C5orf24: variants seen among roughly 807,000 people sequenced by gnomAD.
C5orf24 encodes the protein chromosome 5 open reading frame 24.
C5orf24 carries 4 observed loss-of-function variants against 9.8 expected under a neutral mutation model. The ratio of observed to expected loss-of-function variants is 0.41; its 90% confidence interval spans 0.20 to 0.93. C5orf24 has a LOEUF of 0.93. Among genes scored for constraint, C5orf24 ranks in the 40% least tolerant of loss-of-function variants. The pLI, the probability that C5orf24 is intolerant of heterozygous loss-of-function variation, is 0.33. For synonymous variants in C5orf24, 73 were observed against 81.3 expected, an observed-to-expected ratio of 0.90 and a Z score of 0.55; for missense variants, 170 against 236.9, an observed-to-expected ratio of 0.72 and a Z score of 1.85.
At chr5:134,837,072 C>G in the C5orf24 span, among the ~76,000 whole-genome samples, 1 of 152,036 alleles carries the variant, frequency 6.6e-6, no homozygotes, top group Non-Finnish European at 1.5e-5. Flanking sequence ...CTCCCAGGTT[C>G]AAGTGATTTA....
chr5:134,847,304 TG>T (rs751866480), intron 1 of C5orf24, among the ~76,000 whole-genome samples: 4 of 152,206 alleles, frequency 2.6e-5, no homozygotes, highest in Admixed American at 6.5e-5. Context: ...TTGTTTGTTT[TG>T]TTTTTTTTGA....
upstream of C5orf24, chr5:134,845,852 T>A (rs1390841877): frequency 6.6e-6 from 1 of 152,348 alleles, no homozygotes; most frequent in East Asian, 1.9e-4. Context: ...AAGCGCAGCC[T>A]GCCAGCCTGG....
At chr5:134,844,826 C>T (rs1451320786), upstream of C5orf24, among the ~76,000 whole-genome samples, 2 of 152,176 alleles carry the variant, frequency 1.3e-5, no homozygotes, top group East Asian at 3.8e-4. Flanking sequence ...CAACCTCCAC[C>T]TCCTGGGTTC....
chr5:134,844,285 A>G (rs1397214506), upstream of C5orf24, among the ~76,000 whole-genome samples: 1 of 152,128 alleles, frequency 6.6e-6, no homozygotes, highest in Non-Finnish European at 1.5e-5. Context: ...ACTTTTCTAT[A>G]TTGGTATTTT....
At chr5:134,838,420 C>T in the C5orf24 span, among the ~76,000 whole-genome samples, 2 of 152,238 alleles carry the variant, frequency 1.3e-5, no homozygotes, top group African/African-American at 2.4e-5. Flanking sequence ...CCTGTAATCC[C>T]AGCACTTTGT....
At chr5:134,838,563 G>T in the C5orf24 span, among the ~76,000 whole-genome samples, 1 of 152,078 alleles carries the variant, frequency 6.6e-6, no homozygotes, top group Non-Finnish European at 1.5e-5. Context: ...CCAGCTACTC[G>T]GGAGGCTGAG....
chr5:134,848,171 C>G (rs927567156), intron 1 of C5orf24, among the ~76,000 whole-genome samples: 1 of 151,402 alleles, frequency 6.6e-6, no homozygotes, highest in African/African-American at 2.4e-5. Context: ...ATTAGCCAGG[C>G]GTGGTGGCTG....
upstream of C5orf24, among the ~76,000 whole-genome samples, chr5:134,841,596 T>C (rs554786058): frequency 6.6e-6 from 1 of 151,986 alleles, no homozygotes; most frequent in East Asian, 1.9e-4. Flanking sequence ...AAAAAAAAAG[T>C]TTATTTCTCA....
chr5:134,849,310 G>T (rs1313869202), intron 1 of C5orf24, among the ~76,000 whole-genome samples: 1 of 152,122 alleles, frequency 6.6e-6, no homozygotes, highest in Non-Finnish European at 1.5e-5. Flanking sequence ...GAGGAGGAAG[G>T]CATTATGGAG....
At chr5:134,839,339 A>G in the C5orf24 span, among the ~76,000 whole-genome samples, 2 of 152,212 alleles carry the variant, frequency 1.3e-5, no homozygotes, top group Admixed American at 1.3e-4. Flanking sequence ...GCTCCCTGAG[A>G]TCACAGTCCA....
chr5:134,855,224 A>G lies in C5orf24; in HGVS notation c.324A>G (p.Arg108=), dbSNP rs1756278777. The change falls in exon 2 of 2, where the codon AGA becomes AGG. Residue 108 remains arginine (R), a synonymous_variant. Coordinates refer to ENST00000394976, the MANE Select transcript of C5orf24 (RefSeq NM_001135586.1). ...CAGGATACCGGACCAGCACAGGCAG[A>G]CCCCTGGGAACCACCAAAGCAGCTG... is the stretch of plus-strand genomic sequence containing the variant. ...KSAGYRTSTG[R]PLGTTKAAGF... 1 of 1,614,144 alleles carries G rather than the reference A, an allele frequency of 6.2e-7. No individual in the cohort carries two copies. The highest frequency in any genetic ancestry group is 2.2e-5 in the East Asian group (1 of 44,886).
At position 134,855,824 on chromosome 5, in the gene C5orf24, A is replaced by G. The variant is rs1208898804; in HGVS notation, c.*357A>G. 3.6e-6 allele frequency: 4 copies of G among 1,111,800 alleles called. No homozygotes were observed. In the South Asian group the frequency reaches 7.8e-5, roughly 22 times the overall value. The allele number at this position is 1,111,800 out of a possible 1,614,324, so 68.9% of individuals were successfully genotyped here. A position where few individuals can be genotyped will look rare whatever the true frequency, so the allele number is the denominator to read the frequency against. On this transcript the variant is annotated 3_prime_UTR_variant, in exon 2 of 2. Transcript: ENST00000394976. ...CATTATACCTATTAGTTTGTGAAGT[A>G]AGCCTACAGTATAATAAAGACACTA... is the stretch of plus-strand genomic sequence containing the variant.
chr5:134,843,568 G>A (rs1580835224), upstream of C5orf24, among the ~76,000 whole-genome samples: 1 of 151,828 alleles, frequency 6.6e-6, no homozygotes, highest in East Asian at 1.9e-4. Context: ...GCTAAGCTGA[G>A]TTATTTTTGA....
At chr5:134,843,593 G>A (rs757965711), upstream of C5orf24, among the ~76,000 whole-genome samples, 14 of 152,094 alleles carry the variant, frequency 9.2e-5, no homozygotes, top group Non-Finnish European at 1.5e-4. Context: ...GTCTCATTCT[G>A]TCACCCAGAC....
chr5:134,853,415 T>TA (rs1456336914), intron 1 of C5orf24, among the ~76,000 whole-genome samples: 2 of 151,104 alleles, frequency 1.3e-5, no homozygotes, highest in Non-Finnish European at 1.5e-5. Flanking sequence ...ATATGGCTAT[T>TA]TAGAGCTAGT....
intron 1 of C5orf24, among the ~76,000 whole-genome samples, chr5:134,850,162 T>C (rs1756117348): frequency 2.0e-5 from 3 of 152,166 alleles, no homozygotes; most frequent in Admixed American, 2.0e-4. Flanking sequence ...TTGTTTGTTT[T>C]CTTTGAGATG....
the C5orf24 span, among the ~76,000 whole-genome samples, chr5:134,837,666 C>CAAAAAAAAAAA: frequency 9.5e-6 from 1 of 105,356 alleles, no homozygotes. Context: ...GAGAACATAG[C>CAAAAAAAAAAA]AAAAAAAAAA....
the C5orf24 span, among the ~76,000 whole-genome samples, chr5:134,840,479 G>A: frequency 6.6e-6 from 1 of 151,828 alleles, no homozygotes; most frequent in African/African-American, 2.4e-5. Flanking sequence ...GGCTCAAGTG[G>A]TCCTCCCTCC....
the C5orf24 span, among the ~76,000 whole-genome samples, chr5:134,837,246 T>C: frequency 6.6e-6 from 1 of 152,360 alleles, no homozygotes; most frequent in East Asian, 1.9e-4. Flanking sequence ...GTGCTGGGAC[T>C]ATAGGCGTGA....
Sources: gnomAD v4.1 joint callset for allele counts (sites outside exome capture counted in the v4.1 genomes callset) on GRCh38, gnomAD v4.1.1 for gene constraint, MANE v1.5 for transcripts, NCBI Gene and HGNC (gene_info 2026-07-23, HGNC 2026-07-21) for gene names.